CSMD1: variants seen among roughly 807,000 people sequenced by gnomAD.
CSMD1 encodes CUB and sushi domain-containing protein 1.
Under a neutral mutation model 417.5 loss-of-function variants are expected in CSMD1, and 213 were observed. That is an observed-to-expected ratio of 0.51 (90% CI 0.46 to 0.57). The LOEUF (loss-of-function observed/expected upper bound fraction) is 0.57. Ranked by LOEUF, CSMD1 falls within the 20% of genes least tolerant of loss-of-function variation. The pLI is 0.00. For synonymous variants in CSMD1, 2,862 were observed against 1,736.8 expected (o/e 1.65, Z -16.11); for missense variants, 6,923 against 4,529.7 (o/e 1.53, Z -15.17).
chr8:4,541,407 C>A (rs1224694660), intron 2 of CSMD1, among the ~76,000 whole-genome samples: 1 of 152,232 alleles, frequency 6.6e-6, no homozygotes, highest in East Asian at 1.9e-4. Flanking sequence ...GCACTGCCTT[C>A]ACCTTTGCAC....
At chr8:4,679,295 G>C (rs11785502) in intron 1 of CSMD1, among the ~76,000 whole-genome samples, 13,660 of 152,234 alleles carry the variant, frequency 0.09, 673 homozygotes, top group East Asian at 0.15. Context: ...TTACTCTGCA[G>C]ATGCATGAAG....
At chr8:3,836,236 T>A (rs926365584) in intron 5 of CSMD1, among the ~76,000 whole-genome samples, 3 of 152,184 alleles carry the variant, frequency 2.0e-5, no homozygotes, top group Non-Finnish European at 4.4e-5. Context: ...ATATCTTTAA[T>A]ATTTGGTTAT....
At chr8:3,823,384 A>G (rs1237805386) in intron 5 of CSMD1, among the ~76,000 whole-genome samples, 1 of 152,168 alleles carries the variant, frequency 6.6e-6, no homozygotes, top group African/African-American at 2.4e-5. Flanking sequence ...AGGAAAGTTA[A>G]ATACTGTTAG....
chr8:3,889,410 C>A (rs1174919057), intron 5 of CSMD1, among the ~76,000 whole-genome samples: 4 of 137,164 alleles, frequency 2.9e-5, no homozygotes, highest in Admixed American at 2.2e-4. Context: ...TAAATAATGC[C>A]TTCCACATTG....
Position 4,647,654 on chromosome 8 carries a change from G to T in CSMD1, c.86-10096C>A, listed in dbSNP as rs117195222. 4.4e-3 allele frequency among the ~76,000 whole-genome samples: 666 copies of T among 152,110 alleles called. 13 individuals carry two copies. Among genetic ancestry groups the T allele is most frequent in the Non-Finnish European group, 5.9e-3 (402 of 67,988 alleles). On this transcript the variant is annotated intron_variant, in intron 1 of 69. Transcript: ENST00000635120. ...TTGTTCAGCTCCCACTTGTGAGTTA[G>T]AATATGTGGTGTTTGGTTTTCTGTT... is the stretch of plus-strand genomic sequence containing the variant.
At chr8:3,946,156 C>T (rs1024909161) in intron 5 of CSMD1, among the ~76,000 whole-genome samples, 2 of 152,076 alleles carry the variant, frequency 1.3e-5, no homozygotes, top group African/African-American at 4.8e-5. Flanking sequence ...CCAATGCACC[C>T]TTTGAAATAA....
At chr8:3,114,703 A>G (rs1816749103) in intron 42 of CSMD1, among the ~76,000 whole-genome samples, 2 of 152,094 alleles carry the variant, frequency 1.3e-5, no homozygotes, top group African/African-American at 4.8e-5. Flanking sequence ...ACAGAGTTGC[A>G]TTCTTTATAG....
At chr8:4,136,964 T>C (rs914746438) in intron 3 of CSMD1, among the ~76,000 whole-genome samples, 4 of 152,206 alleles carry the variant, frequency 2.6e-5, no homozygotes, top group African/African-American at 9.7e-5. Flanking sequence ...ATATTCAGCC[T>C]ATATCAATGA....
At chr8:3,669,599 T>C (rs1798883909) in intron 7 of CSMD1, among the ~76,000 whole-genome samples, 1 of 152,060 alleles carries the variant, frequency 6.6e-6, no homozygotes, top group Non-Finnish European at 1.5e-5. Context: ...GGACAGAAAA[T>C]CACGACAGGG....
chr8:3,919,238 C>G (rs1044799373), intron 5 of CSMD1, among the ~76,000 whole-genome samples: 1 of 145,694 alleles, frequency 6.9e-6, no homozygotes, highest in African/African-American at 2.5e-5. Flanking sequence ...AGATCTATGC[C>G]AAGGATTTTT....
chr8:4,238,142 G>A (rs141251256), intron 3 of CSMD1, among the ~76,000 whole-genome samples: 14 of 152,298 alleles, frequency 9.2e-5, no homozygotes, highest in African/African-American at 1.9e-4. Flanking sequence ...AAAATGTCTG[G>A]TAAGTCCAGT....
chr8:3,625,532 T>C (rs374043909), intron 7 of CSMD1, among the ~76,000 whole-genome samples: 20 of 152,318 alleles, frequency 1.3e-4, no homozygotes, highest in African/African-American at 3.6e-4. Flanking sequence ...CCATGTTCTC[T>C]GGTCTCTAAC....
At chr8:4,787,770 T>A in intron 1 of CSMD1, 3 of 1,582,490 alleles carry the variant, frequency 1.9e-6, no homozygotes, top group South Asian at 2.2e-5. Flanking sequence ...TTTGCTTCGC[T>A]GGACTTGTTA....
At position 4,963,015 on chromosome 8, in the gene CSMD1, G is replaced by A. The variant is rs184767058; in HGVS notation, c.85+31317C>T. Among the ~76,000 whole-genome samples, 47 of 152,142 alleles carry A rather than the reference G, an allele frequency of 3.1e-4. 1 individual carries two copies. In the East Asian group the frequency reaches 8.8e-3, roughly 28 times the overall value. On this transcript the variant is annotated intron_variant, in intron 1 of 69. Transcript: ENST00000635120. ...CTATATACGTATTTTTCAACCAGGT[G>A]CCCTGTTTATAGCCTCCCACCTTAC...
At chr8:3,127,879 A>AGAGG (rs1175732866) in intron 41 of CSMD1, 1 of 130,000 alleles carries the variant, frequency 7.7e-6, no homozygotes, top group Non-Finnish European at 1.6e-5. Flanking sequence ...GGAAGGAATG[A>AGAGG]GAGGGAGGGA....
In CSMD1 at chr8:3,333,054, GC is replaced by G. The variant is rs200624774; in HGVS notation, c.3631+10239del. 9.4e-4 allele frequency among the ~76,000 whole-genome samples: 143 copies of G among 152,302 alleles called. 2 individuals are homozygous for G. The East Asian group carries it at 0.023, about 24-fold the overall frequency. ...GGAGAAGCCAGCAAGGACACGCCCT[GC>G]CCAGAGAAGACCACAGCCACGTGGC... On this transcript the variant is annotated intron_variant, in intron 23 of 69. Coordinates refer to ENST00000635120, the MANE Select transcript of CSMD1 (RefSeq NM_033225.6).
chr8:4,437,825 T>C (rs1448192244), intron 2 of CSMD1, among the ~76,000 whole-genome samples: 2 of 152,324 alleles, frequency 1.3e-5, no homozygotes, highest in East Asian at 1.9e-4. Context: ...GATGGGCTTG[T>C]CTGTAAAACT....
At chr8:4,020,713 C>G (rs992055501) in intron 4 of CSMD1, among the ~76,000 whole-genome samples, 1 of 152,328 alleles carries the variant, frequency 6.6e-6, no homozygotes, top group South Asian at 2.1e-4. Flanking sequence ...TCCGCGTGTT[C>G]CTCAAAGTCT....
chr8:3,622,334 T>A (rs6996642), intron 7 of CSMD1, among the ~76,000 whole-genome samples: 1 of 152,048 alleles, frequency 6.6e-6, no homozygotes, highest in African/African-American at 2.4e-5. Flanking sequence ...TCATTGATGT[T>A]TGTCAGAAAT....
Sources: gnomAD v4.1 joint callset for allele counts (sites outside exome capture counted in the v4.1 genomes callset) on GRCh38, gnomAD v4.1.1 for gene constraint, MANE v1.5 for transcripts, NCBI Gene and HGNC (gene_info 2026-07-23, HGNC 2026-07-21) for gene names.